The following NT5M variants were observed in gnomAD, a reference collection of about 807,000 sequenced individuals.
The protein encoded by NT5M is 5'(3')-deoxyribonucleotidase, mitochondrial.
Under a neutral mutation model 22.2 loss-of-function variants are expected in NT5M, and 22 were observed. The observed-to-expected ratio is 0.99, with a 90% CI of 0.71 to 1.41. The LOEUF is 1.41. Among genes scored for constraint, NT5M ranks in the 40% most tolerant of loss-of-function variants. The probability of loss-of-function intolerance (pLI) is 0.00; values close to 1 mark genes in which losing one functional copy is unlikely to be tolerated. For missense variants in NT5M, 322 were observed against 314.8 expected (o/e 1.02, Z -0.17); for synonymous variants, 167 against 133.0 (o/e 1.26, Z -1.76).
chr17:17,337,731 G>A (rs1384706572), intron 3 of NT5M, among the ~76,000 whole-genome samples: 1 of 152,048 alleles, frequency 6.6e-6, no homozygotes, highest in African/African-American at 2.4e-5. Flanking sequence ...TAGATCTTTT[G>A]CCCATTTTAA....
At chr17:17,342,418 G>A (rs78148792) in intron 3 of NT5M, among the ~76,000 whole-genome samples, 3,408 of 152,142 alleles carry the variant, frequency 0.022, 131 homozygotes, top group African/African-American at 0.078. Context: ...GAGTGGCGCC[G>A]GTCCGAGATG....
At chr17:17,345,273 A>G (rs1400704961) in intron 4 of NT5M, 2 of 1,044,996 alleles carry the variant, frequency 1.9e-6, no homozygotes, top group African/African-American at 1.7e-5. Flanking sequence ...GACTGATGCA[A>G]TGAATGACAG....
At chr17:17,332,152 A>G (rs9902505) in intron 3 of NT5M, among the ~76,000 whole-genome samples, 36,941 of 151,874 alleles carry the variant, frequency 0.24, 4,948 homozygotes, top group African/African-American at 0.35. Flanking sequence ...TTGATTTAAG[A>G]CCTGTCTTGG....
At chr17:17,307,394 C>T (rs181661990) in intron 2 of NT5M, among the ~76,000 whole-genome samples, 2,191 of 152,172 alleles carry the variant, frequency 0.014, 64 homozygotes, top group African/African-American at 0.044. Context: ...GAGGCCGAGG[C>T]AGGTGGATCA....
chr17:17,328,624 C>T (rs1597783410), intron 3 of NT5M, among the ~76,000 whole-genome samples: 1 of 152,272 alleles, frequency 6.6e-6, no homozygotes, highest in Non-Finnish European at 1.5e-5. Flanking sequence ...GGCTTAAGCC[C>T]CAGAGCACTC....
Position 17,327,407 on chromosome 17 carries a change from G to A in NT5M, c.429+4162G>A, listed in dbSNP as rs568833182. Among the ~76,000 whole-genome samples, 6 of 97,438 alleles carry A rather than the reference G, an allele frequency of 6.2e-5. 2 individuals are homozygous for A. Among genetic ancestry groups the A allele is most frequent in the African/African-American group, 2.2e-4 (6 of 27,848 alleles). 63.9% of individuals were successfully genotyped at this position (97,438 alleles called of 152,430 possible). ...GGCCCAGACTGAAGTGCAGTGACAC[G>A]ATCTTGGCTCACTGCAACCTCTGCC... On this transcript the variant is annotated intron_variant, in intron 3 of 4. Coordinates refer to ENST00000389022, the MANE Select transcript of NT5M (RefSeq NM_020201.4).
rs1406710612 is a variant in NT5M at position 17,306,545 on chromosome 17, G to A, written c.270G>A (p.Glu90=). Reference sequence around the variant, plus strand: ...ACTTGCTTTTCTCAACTTCTCAGGAGAAGGCCATCAGCATTTGGGAGTCAA... The same window carrying A: ...ACTTGCTTTTCTCAACTTCTCAGGAAAAGGCCATCAGCATTTGGGAGTCAA... ...QYGRLRPGLS[E]KAISIWESKN... is the part of the protein sequence containing the mutation. Residue 90 remains glutamate (E), a splice_region_variant and synonymous_variant, in exon 2 of 5, where the codon GAG becomes GAA. Transcript: ENST00000389022. The A allele has an allele frequency of 1.4e-5, 22 of 1,612,940 alleles. No homozygotes were observed. Among genetic ancestry groups the A allele is most frequent in the Non-Finnish European group, 1.7e-5 (20 of 1,179,128 alleles).
intron 3 of NT5M, among the ~76,000 whole-genome samples, chr17:17,328,577 G>A (rs1198662339): frequency 1.3e-5 from 2 of 152,168 alleles, no homozygotes; most frequent in Admixed American, 1.3e-4. Context: ...GGGCACATCT[G>A]CACAGGACAG....
intron 1 of NT5M, among the ~76,000 whole-genome samples, chr17:17,305,419 C>T (rs1464272210): frequency 2.2e-5 from 3 of 138,004 alleles, no homozygotes; most frequent in African/African-American, 5.3e-5. Context: ...CCCCCACACA[C>T]GTGGCTCCTT....
intron 2 of NT5M, among the ~76,000 whole-genome samples, chr17:17,318,461 A>G (rs2049078728): frequency 7.2e-6 from 1 of 139,356 alleles, no homozygotes; most frequent in Admixed American, 7.6e-5. Context: ...AGCCTGGGTA[A>G]CAAAGCGAGA....
intron 3 of NT5M, among the ~76,000 whole-genome samples, chr17:17,331,517 C>T (rs1160606485): frequency 1.3e-5 from 2 of 151,344 alleles, no homozygotes; most frequent in African/African-American, 2.4e-5. Context: ...AAAGCTAACT[C>T]ACTCCTTCTA....
chr17:17,346,896 C>G lies in NT5M; in HGVS notation c.636C>G (p.His212Gln). Residue 212 changes from histidine to glutamine, a missense_variant, in exon 5 of 5, where the codon CAC becomes CAG. By Grantham distance (24) the His-to-Gln change is conservative. Coordinates refer to ENST00000389022, the MANE Select transcript of NT5M (RefSeq NM_020201.4). ...LQLQPPRRRL[H>Q]SWADDWKAIL... ...TGCAGCCCCCCCGCCGCAGGCTGCA[C>G]TCGTGGGCGGACGACTGGAAGGCCA... 6.2e-7 allele frequency: 1 copy of G among 1,611,112 alleles called. No individual in the cohort carries two copies. Among genetic ancestry groups the G allele is most frequent in the East Asian group, 2.2e-5 (1 of 44,872 alleles).
At chr17:17,331,641 G>T (rs940117781) in intron 3 of NT5M, among the ~76,000 whole-genome samples, 1 of 151,226 alleles carries the variant, frequency 6.6e-6, no homozygotes, top group Non-Finnish European at 1.5e-5. Context: ...TGTTGCCCAG[G>T]TGGATTCTAG....
chr17:17,343,497 T>C (rs1476478547), intron 3 of NT5M, among the ~76,000 whole-genome samples: 1 of 151,850 alleles, frequency 6.6e-6, no homozygotes, highest in African/African-American at 2.4e-5. Context: ...TTGCAGAGGG[T>C]CATGTGGTGT....
chr17:17,313,727 G>A (rs910659694), intron 2 of NT5M, among the ~76,000 whole-genome samples: 5 of 152,220 alleles, frequency 3.3e-5, no homozygotes, highest in East Asian at 1.9e-4. Context: ...TAATCGTGGC[G>A]TTGGGGCTCA....
At chr17:17,346,723 G>A (rs1488205231) in intron 4 of NT5M, 82 bp from the exon 5 acceptor site, 1 of 1,561,096 alleles carries the variant, frequency 6.4e-7, no homozygotes, top group African/African-American at 1.3e-5. Context: ...CCAGATGCCT[G>A]CCTGGATACC....
chr17:17,320,445 G>A (rs1281250154), intron 2 of NT5M, among the ~76,000 whole-genome samples: 1 of 152,098 alleles, frequency 6.6e-6, no homozygotes, highest in African/African-American at 2.4e-5. Flanking sequence ...CTGATATTGG[G>A]GGTGGAATAA....
intron 4 of NT5M, chr17:17,345,294 C>G (rs1416207482): frequency 9.8e-7 from 1 of 1,015,626 alleles, no homozygotes; most frequent in East Asian, 9.3e-5. Flanking sequence ...GAGGGCAGAG[C>G]AGAGCTCCTG....
intron 2 of NT5M, among the ~76,000 whole-genome samples, chr17:17,319,501 T>G (rs2049106596): frequency 6.6e-6 from 1 of 152,232 alleles, no homozygotes; most frequent in African/African-American, 2.4e-5. Flanking sequence ...TTTAAAAATT[T>G]AGGACAAACT....
Sources: gnomAD v4.1 joint callset for allele counts (sites outside exome capture counted in the v4.1 genomes callset) on GRCh38, gnomAD v4.1.1 for gene constraint, MANE v1.5 for transcripts, NCBI Gene and HGNC (gene_info 2026-07-23, HGNC 2026-07-21) for gene names.